The following ESRRG variants were observed in gnomAD, a reference collection of about 807,000 sequenced individuals.
ESRRG encodes the protein estrogen-related receptor gamma.
Under a neutral mutation model 44.0 loss-of-function variants are expected in ESRRG, and 13 were observed. The ratio of observed to expected loss-of-function variants is 0.30; its 90% CI spans 0.19 to 0.47. The LOEUF is 0.47. Among genes scored for constraint, ESRRG ranks in the 20% least tolerant of loss-of-function variants. ESRRG has a pLI of 1.00. For missense variants in ESRRG, 395 were observed against 580.6 expected (o/e 0.68, Z 3.29); for synonymous variants, 215 against 214.6 (o/e 1.00, Z -0.02).
At chr1:217,022,138 A>C (rs1194405290) in intron 1 of ESRRG, among the ~76,000 whole-genome samples, 1 of 152,218 alleles carries the variant, frequency 6.6e-6, no homozygotes, top group Non-Finnish European at 1.5e-5. Flanking sequence ...AAGGCCATGA[A>C]ATAATTATTT....
chr1:217,066,965 C>T (rs1468629540), intron 1 of ESRRG, among the ~76,000 whole-genome samples: 2 of 152,200 alleles, frequency 1.3e-5, no homozygotes, highest in African/African-American at 4.8e-5. Context: ...ATTTCACTTA[C>T]ACCACAAATA....
chr1:217,094,388 G>A (rs1172650700), upstream of ESRRG, among the ~76,000 whole-genome samples: 1 of 152,190 alleles, frequency 6.6e-6, no homozygotes, highest in African/African-American at 2.4e-5. Flanking sequence ...ATGAAGAACA[G>A]AGGTCTACAG....
intron 2 of ESRRG, among the ~76,000 whole-genome samples, chr1:216,881,185 C>T (rs957545993): frequency 2.0e-5 from 3 of 151,988 alleles, no homozygotes; most frequent in African/African-American, 7.2e-5. Flanking sequence ...TAAATAAACC[C>T]TCAATTTTTT....
At chr1:216,714,992 T>C (rs1373507100) in intron 1 of ESRRG, 14 of 690,672 alleles carry the variant, frequency 2.0e-5, no homozygotes, top group Non-Finnish European at 2.3e-5. Flanking sequence ...TGAGCTTCTG[T>C]GCATAAATTG....
intron 1 of ESRRG, among the ~76,000 whole-genome samples, chr1:216,703,026 C>G (rs1431827161): frequency 1.3e-5 from 2 of 151,980 alleles, no homozygotes; most frequent in Non-Finnish European, 2.9e-5. Context: ...ACAAACCAAT[C>G]AAGGCAATGA....
At chr1:216,743,399 G>A (rs1356757895) in intron 2 of ESRRG, among the ~76,000 whole-genome samples, 3 of 152,094 alleles carry the variant, frequency 2.0e-5, no homozygotes, top group African/African-American at 7.2e-5. Context: ...ATCTCAGTGT[G>A]AAATTATTGT....
At chr1:216,868,668 A>G (rs1179080712) in intron 2 of ESRRG, among the ~76,000 whole-genome samples, 1 of 152,052 alleles carries the variant, frequency 6.6e-6, no homozygotes, top group Admixed American at 6.6e-5. Context: ...TGGCTGTTTC[A>G]TTTTGCATTT....
chr1:217,057,220 T>C (rs1208420907), intron 1 of ESRRG, among the ~76,000 whole-genome samples: 1 of 152,136 alleles, frequency 6.6e-6, no homozygotes, highest in Non-Finnish European at 1.5e-5. Context: ...TCAGGAAGCA[T>C]CTACCATATC....
At chr1:216,912,102 AAAAAGAAGAAAAGAAAAGAAAAG>A (rs2060379715) in intron 2 of ESRRG, among the ~76,000 whole-genome samples, 1 of 139,434 alleles carries the variant, frequency 7.2e-6, no homozygotes, top group African/African-American at 2.7e-5. Context: ...CACCCTGTAA[AAAAAGAAGAAAAGAAAAGAAAAG>A]AAAAGAAAAG....
chr1:216,671,564 T>G (rs2075188857), intron 2 of ESRRG, among the ~76,000 whole-genome samples: 1 of 152,198 alleles, frequency 6.6e-6, no homozygotes, highest in African/African-American at 2.4e-5. Context: ...GGTCAAGTAC[T>G]TCGATATTCA....
At chr1:216,627,761 C>A (rs1419650458) in intron 3 of ESRRG, among the ~76,000 whole-genome samples, 1 of 152,086 alleles carries the variant, frequency 6.6e-6, no homozygotes, top group Non-Finnish European at 1.5e-5. Context: ...GCATAGTCTT[C>A]TTAATGTAAA....
intron 1 of ESRRG, among the ~76,000 whole-genome samples, chr1:216,992,513 A>G (rs560428041): frequency 6.6e-6 from 1 of 152,346 alleles, no homozygotes; most frequent in Non-Finnish European, 1.5e-5. Flanking sequence ...AGTGCCTGAC[A>G]TAAAGTAAAT....
chr1:216,590,277 A>G (rs191256457), intron 3 of ESRRG, among the ~76,000 whole-genome samples: 2 of 152,226 alleles, frequency 1.3e-5, no homozygotes, highest in Admixed American at 6.5e-5. Context: ...AAAGCTACAT[A>G]CTTCAAACAG....
intron 4 of ESRRG, among the ~76,000 whole-genome samples, chr1:216,567,175 C>T (rs1056821241): frequency 2.0e-5 from 3 of 152,288 alleles, no homozygotes; most frequent in African/African-American, 7.2e-5. Flanking sequence ...CAAAGCGCTC[C>T]TCCATGCCCA....
intron 1 of ESRRG, among the ~76,000 whole-genome samples, chr1:216,991,644 G>C (rs1579171149): frequency 8.0e-6 from 1 of 124,778 alleles, no homozygotes; most frequent in East Asian, 2.9e-4. Context: ...GATGGGATGG[G>C]ATGGGATGGG....
intron 2 of ESRRG, among the ~76,000 whole-genome samples, chr1:216,771,489 T>A (rs990359245): frequency 6.6e-6 from 1 of 152,170 alleles, no homozygotes; most frequent in African/African-American, 2.4e-5. Flanking sequence ...TGTATTCTAA[T>A]GGTGTGTGAA....
At chr1:217,052,197 C>A (rs2086184545) in intron 1 of ESRRG, among the ~76,000 whole-genome samples, 1 of 152,122 alleles carries the variant, frequency 6.6e-6, no homozygotes, top group South Asian at 2.1e-4. Context: ...ACTAAGAATG[C>A]AAAATGGAAT....
chr1:217,047,452 A>G (rs2085093250), intron 1 of ESRRG, among the ~76,000 whole-genome samples: 1 of 152,012 alleles, frequency 6.6e-6, no homozygotes, highest in Non-Finnish European at 1.5e-5. Flanking sequence ...CTAATTAAGC[A>G]CCAAATACTG....
intron 2 of ESRRG, among the ~76,000 whole-genome samples, chr1:216,817,332 A>G (rs2095170520): frequency 6.6e-6 from 1 of 152,230 alleles, no homozygotes; most frequent in Non-Finnish European, 1.5e-5. Context: ...GTACCATAAT[A>G]GCATTCTGAA....
Sources: gnomAD v4.1 joint callset for allele counts (sites outside exome capture counted in the v4.1 genomes callset) on GRCh38, gnomAD v4.1.1 for gene constraint, MANE v1.5 for transcripts, NCBI Gene and HGNC (gene_info 2026-07-23, HGNC 2026-07-21) for gene names.